Variants in OTOGL observed in about 807,000 individuals in gnomAD.
The protein encoded by OTOGL is otogelin like, also known as otogelin-like protein.
Under a neutral mutation model 318.5 loss-of-function variants are expected in OTOGL, and 285 were observed. That is an observed-to-expected ratio of 0.89 (90% CI 0.81 to 0.99). The LOEUF (loss-of-function observed/expected upper bound fraction) is 0.99, where lower values mean the gene tolerates loss of function less well. Among genes scored for constraint, OTOGL ranks in the 50% least tolerant of loss-of-function variants. The pLI, the probability that OTOGL is intolerant of heterozygous loss-of-function variation, is 0.00. For missense variants in OTOGL, 2,899 were observed against 2,845.6 expected, an observed-to-expected ratio of 1.02 and a Z score of -0.43; for synonymous variants, 987 against 936.5, an observed-to-expected ratio of 1.05 and a Z score of -0.99.
intron 35 of OTOGL, among the ~76,000 whole-genome samples, chr12:80,325,600 T>C (rs943241464): frequency 1.3e-5 from 2 of 152,180 alleles, no homozygotes; most frequent in Non-Finnish European, 2.9e-5. Flanking sequence ...GAAAATGATA[T>C]TACTGTTTAG....
At chr12:80,189,447 A>AGAAT in intron 1 of OTOGL, 3 of 985,384 alleles carry the variant, frequency 3.0e-6, no homozygotes, top group East Asian at 2.3e-4. Flanking sequence ...AAGTCTCATA[A>AGAAT]GAATGAGGTT....
chr12:80,260,370 A>G (rs868825121), intron 18 of OTOGL, among the ~76,000 whole-genome samples: 28 of 152,212 alleles, frequency 1.8e-4, no homozygotes, highest in Middle Eastern at 3.4e-3. Context: ...AAAGACATTA[A>G]TCCTGTTTTC....
chr12:80,172,566 A>T (rs1018205556), intron 1 of OTOGL, among the ~76,000 whole-genome samples: 2 of 151,504 alleles, frequency 1.3e-5, no homozygotes, highest in African/African-American at 4.8e-5. Flanking sequence ...TGCCTCCTAC[A>T]ATTGGCTTGC....
intron 39 of OTOGL, 63 bp downstream of exon 39, chr12:80,336,203 CT>C (rs1888390586): frequency 1.4e-6 from 2 of 1,428,398 alleles, no homozygotes; most frequent in Non-Finnish European, 1.8e-6. Context: ...GAGATTGTTA[CT>C]TTTTTGAACC....
chr12:80,313,585 G>A lies in OTOGL; in HGVS notation c.3560G>A (p.Cys1187Tyr). ...CTSIAAYAYKCCQEGISIHWR... is the reference protein window; with the variant it reads ...CTSIAAYAYKYCQEGISIHWR... ...AGTATAGCTGCATATGCATACAAGT[G>A]TTGTCAGGAAGGAATATCAATTCAT... is the stretch of plus-strand genomic sequence containing the variant. Residue 1187 changes from cysteine (C) to tyrosine (Y), a missense_variant, in exon 31 of 59, where the codon TGT (cysteine) becomes TAT (tyrosine). Physicochemically the swap from Cys to Tyr is radical, Grantham distance 194. This residue lies in a region of OTOGL where 2,607 missense variants were observed against 2,524.9 expected (regional missense o/e 1.03). Transcript: ENST00000547103. 4 of 1,612,648 alleles carry A rather than the reference G, an allele frequency of 2.5e-6. No homozygotes were observed. The South Asian group carries it at 3.3e-5, about 13-fold the overall frequency.
intron 7 of OTOGL, among the ~76,000 whole-genome samples, chr12:80,229,021 C>G (rs907667738): frequency 2.5e-4 from 38 of 152,076 alleles, no homozygotes; most frequent in African/African-American, 9.2e-4. Flanking sequence ...ATCCAACATG[C>G]GAAGATTCAA....
chr12:80,129,803 AT>A (rs1005535196), intron 1 of OTOGL, among the ~76,000 whole-genome samples: 25 of 152,110 alleles, frequency 1.6e-4, no homozygotes, highest in African/African-American at 6.0e-4. Flanking sequence ...TAACTCAGTC[AT>A]TTTTTTGACC....
chr12:80,210,021 A>G (rs1004162530), intron 2 of OTOGL, among the ~76,000 whole-genome samples: 21 of 152,126 alleles, frequency 1.4e-4, no homozygotes, highest in Non-Finnish European at 2.6e-4. Context: ...CTGGGGCTAA[A>G]AATTGATTTT....
intron 30 of OTOGL, 58 bp from the exon 31 acceptor site, chr12:80,313,418 A>T (rs1886767293): frequency 6.8e-7 from 1 of 1,481,420 alleles, no homozygotes; most frequent in South Asian, 1.2e-5. Context: ...TAGACGGTTG[A>T]CTTTAAATCA....
intron 1 of OTOGL, among the ~76,000 whole-genome samples, chr12:80,164,525 A>G (rs1220771272): frequency 6.6e-6 from 1 of 152,190 alleles, no homozygotes; most frequent in African/African-American, 2.4e-5. Context: ...TTGTTGACAT[A>G]TAATTGCTCA....
chr12:80,292,238 T>C (rs906784627), intron 26 of OTOGL, among the ~76,000 whole-genome samples: 12 of 152,214 alleles, frequency 7.9e-5, no homozygotes, highest in Non-Finnish European at 1.6e-4. Flanking sequence ...TCAGCCTGCC[T>C]CGGCCTCCCA....
At chr12:80,139,829 T>A (rs73148387) in intron 1 of OTOGL, among the ~76,000 whole-genome samples, 2,728 of 152,244 alleles carry the variant, frequency 0.018, 33 homozygotes, top group Middle Eastern at 0.041. Flanking sequence ...GTTTAAACTA[T>A]CATATACGTG....
chr12:80,135,242 T>C (rs12231422), intron 1 of OTOGL, among the ~76,000 whole-genome samples: 42,989 of 104,532 alleles, frequency 0.41, 9,666 homozygotes, highest in Non-Finnish European at 0.51. Context: ...TTTTTATTTC[T>C]TGAGCCCCTC....
At chr12:80,297,748 G>C (rs11114389) in intron 27 of OTOGL, among the ~76,000 whole-genome samples, 37,837 of 152,118 alleles carry the variant, frequency 0.25, 5,529 homozygotes, top group African/African-American at 0.4. Context: ...ACCCACCTCT[G>C]CTGCCTGCTC....
chr12:80,344,401 G>A (rs577806014), intron 44 of OTOGL, among the ~76,000 whole-genome samples: 5 of 152,260 alleles, frequency 3.3e-5, no homozygotes, highest in African/African-American at 4.8e-5. Flanking sequence ...AATCAGCTGG[G>A]TGTGGTGGCA....
chr12:80,125,562 T>C (rs1310137121), intron 1 of OTOGL, among the ~76,000 whole-genome samples: 1 of 152,230 alleles, frequency 6.6e-6, no homozygotes, highest in African/African-American at 2.4e-5. Context: ...TAAAATGAGT[T>C]AAGGAGGATT....
intron 42 of OTOGL, among the ~76,000 whole-genome samples, 178 bp from the exon 43 acceptor site, chr12:80,338,897 C>CA: frequency 6.6e-6 from 1 of 151,876 alleles, no homozygotes; most frequent in South Asian, 2.1e-4. Context: ...CAAGGCACAG[C>CA]AAAGGAACAA....
chr12:80,345,716 TAA>T (rs1233821278), intron 44 of OTOGL, among the ~76,000 whole-genome samples: 2 of 152,126 alleles, frequency 1.3e-5, no homozygotes, highest in Non-Finnish European at 2.9e-5. Context: ...AAAAATACTA[TAA>T]AAAAGTTTGA....
chr12:80,252,073 T>C lies in OTOGL; in HGVS notation c.1160-3T>C. On this transcript the variant is annotated splice_polypyrimidine_tract_variant and splice_region_variant and intron_variant, in intron 12 of 58. Coordinates refer to ENST00000547103, the MANE Select transcript of OTOGL (RefSeq NM_001378609.3). ...CTTAAGCTCCCCTGTTTGTCTGTTT[T>C]AGCTGATAAATGTGATGATAGCTTT... 1 of 1,539,498 alleles carries C rather than the reference T, an allele frequency of 6.5e-7. No homozygotes were observed. Among genetic ancestry groups the C allele is most frequent in the Admixed American group, 2.0e-5 (1 of 49,746 alleles).
Sources: gnomAD v4.1 joint callset for allele counts (sites outside exome capture counted in the v4.1 genomes callset) on GRCh38, gnomAD v4.1.1 for gene constraint, gnomAD v4.1.1 regional missense constraint, MANE v1.5 for transcripts, NCBI Gene and HGNC (gene_info 2026-07-23, HGNC 2026-07-21) for gene names.